Variants in NXPH2 observed in about 807,000 individuals in gnomAD.
The protein encoded by NXPH2 is neurexophilin 2.
Under a neutral mutation model 19.8 loss-of-function variants are expected in NXPH2, and 5 were observed. That is an observed-to-expected ratio of 0.25 (90% confidence interval 0.13 to 0.53). The LOEUF (loss-of-function observed/expected upper bound fraction) is 0.53, where lower values mean the gene tolerates loss of function less well. NXPH2 is among the 20% of genes least tolerant of loss of function. The pLI is 0.96. For synonymous variants in NXPH2, 154 were observed against 127.4 expected, an observed-to-expected ratio of 1.21 and a Z score of -1.41; for missense variants, 289 against 322.8, an observed-to-expected ratio of 0.90 and a Z score of 0.80.
intron 1 of NXPH2, among the ~76,000 whole-genome samples, chr2:138,739,116 T>C (rs1681605010): frequency 6.6e-6 from 1 of 152,236 alleles, no homozygotes; most frequent in Admixed American, 6.5e-5. Context: ...AATGTTTTAC[T>C]GCCTGAAAGC....
At position 138,722,408 on chromosome 2, in the gene NXPH2, G is replaced by A. The variant is rs79944624; in HGVS notation, c.52-50743C>T. On this transcript the variant is annotated intron_variant, in intron 1 of 1. Transcript: ENST00000272641. ...GGGAAGGAAAATCAAGGAAGTATGT[G>A]TGGTTGGAGCGGAGCCTGGGCAGGG... Among the ~76,000 whole-genome samples, 316 of 152,364 alleles carry A rather than the reference G, an allele frequency of 2.1e-3. 1 individual carries two copies. The highest frequency in any genetic ancestry group is 7.4e-3 in the African/African-American group (308 of 41,586).
chr2:138,769,320 T>C (rs1682137688), intron 1 of NXPH2, among the ~76,000 whole-genome samples: 2 of 152,096 alleles, frequency 1.3e-5, no homozygotes, highest in African/African-American at 2.4e-5. Context: ...ATGGTTATTA[T>C]AGGGGATGAG....
At chr2:138,689,798 A>G (rs1680718889) in intron 1 of NXPH2, among the ~76,000 whole-genome samples, 1 of 152,196 alleles carries the variant, frequency 6.6e-6, no homozygotes, top group South Asian at 2.1e-4. Context: ...ATGTACAGAG[A>G]AATATCAAGA....
intron 1 of NXPH2, among the ~76,000 whole-genome samples, chr2:138,701,544 T>G (rs999910411): frequency 6.6e-6 from 1 of 152,174 alleles, no homozygotes; most frequent in African/African-American, 2.4e-5. Context: ...TGAAGGTTTA[T>G]TGTATGCTTG....
At chr2:138,675,238 A>C (rs1393490258) in intron 1 of NXPH2, among the ~76,000 whole-genome samples, 1 of 152,086 alleles carries the variant, frequency 6.6e-6, no homozygotes. Context: ...TTTTTCTTTA[A>C]AGTGCTTGTT....
intron 1 of NXPH2, among the ~76,000 whole-genome samples, chr2:138,700,129 T>C (rs1000259327): frequency 5.3e-5 from 8 of 152,172 alleles, no homozygotes; most frequent in Non-Finnish European, 4.4e-5. Flanking sequence ...CCAAGTTCCC[T>C]GAGCAAGTGC....
At chr2:138,752,781 T>C (rs1034604444) in intron 1 of NXPH2, among the ~76,000 whole-genome samples, 5 of 152,102 alleles carry the variant, frequency 3.3e-5, no homozygotes, top group African/African-American at 1.2e-4. Flanking sequence ...TCCGACGACC[T>C]TAGCAGTTTT....
rs550696965 is a variant in NXPH2, at chr2:138,697,697, C to CT, written c.52-26033dup. ...CTGTTTCATTTTCAGATTAAACACA[C>CT]TTTTTTTAATTTGGAAAAATAATGC... On this transcript the variant is annotated intron_variant, in intron 1 of 1. Coordinates refer to ENST00000272641, the MANE Select transcript of NXPH2 (RefSeq NM_007226.3). 3.6e-3 allele frequency among the ~76,000 whole-genome samples: 539 copies of CT among 151,490 alleles called. 3 individuals carry two copies. Among genetic ancestry groups the CT allele is most frequent in the African/African-American group, 8.8e-3 (364 of 41,388 alleles).
chr2:138,730,582 G>A (rs1424369898), intron 1 of NXPH2, among the ~76,000 whole-genome samples: 2 of 152,108 alleles, frequency 1.3e-5, no homozygotes, highest in Non-Finnish European at 2.9e-5. Flanking sequence ...AGGCAGCCCA[G>A]GGCAGAGACC....
chr2:138,738,494 T>C (rs1344295438), intron 1 of NXPH2, among the ~76,000 whole-genome samples: 1 of 152,186 alleles, frequency 6.6e-6, no homozygotes, highest in Non-Finnish European at 1.5e-5. Flanking sequence ...TCCATTAGGA[T>C]AAAAGATTTA....
chr2:138,682,159 C>T (rs1314310509), intron 1 of NXPH2, among the ~76,000 whole-genome samples: 2 of 152,134 alleles, frequency 1.3e-5, no homozygotes, highest in African/African-American at 2.4e-5. Flanking sequence ...ACCCAAAACC[C>T]TGTCATGATC....
chr2:138,754,902 T>C (rs1681883677), intron 1 of NXPH2, among the ~76,000 whole-genome samples: 1 of 152,172 alleles, frequency 6.6e-6, no homozygotes, highest in African/African-American at 2.4e-5. Context: ...TGGTGGATTT[T>C]AGGCATTCTT....
intron 1 of NXPH2, among the ~76,000 whole-genome samples, chr2:138,705,155 AGTCTCGATACGTTGCTCAGGCTG>A (rs1467661994): frequency 6.6e-6 from 1 of 151,864 alleles, no homozygotes. Context: ...GTAGAGATGG[AGTCTCGATACGTTGCTCAGGCTG>A]GTCTCCAACT....
intron 1 of NXPH2, among the ~76,000 whole-genome samples, chr2:138,776,519 AT>A (rs142055980): frequency 2.3e-3 from 350 of 151,990 alleles, no homozygotes; most frequent in African/African-American, 8.0e-3. Context: ...TCTAATCTTA[AT>A]TTTCATTTTT....
At chr2:138,741,467 C>T (rs572022677) in intron 1 of NXPH2, among the ~76,000 whole-genome samples, 3 of 152,040 alleles carry the variant, frequency 2.0e-5, no homozygotes, top group Admixed American at 6.6e-5. Context: ...TCCATGTTTT[C>T]CCCCTCATAT....
intron 1 of NXPH2, among the ~76,000 whole-genome samples, chr2:138,677,080 A>G (rs1680495390): frequency 6.6e-6 from 1 of 152,216 alleles, no homozygotes; most frequent in African/African-American, 2.4e-5. Flanking sequence ...TGCTGTGAGA[A>G]GAATGTAGGT....
chr2:138,743,619 C>T (rs1277576305), intron 1 of NXPH2, among the ~76,000 whole-genome samples: 1 of 152,072 alleles, frequency 6.6e-6, no homozygotes, highest in Non-Finnish European at 1.5e-5. Flanking sequence ...GATGACACAC[C>T]TGTGAATATA....
rs1680404771 is a variant in NXPH2, at chr2:138,671,027, G to A, written c.690C>T (p.Val230=). 1 of 1,613,868 alleles carries A rather than the reference G, an allele frequency of 6.2e-7. No individual in the cohort carries two copies. The highest frequency in any genetic ancestry group is 1.7e-5 in the Admixed American group (1 of 60,006). The change falls in exon 2 of 2, where the codon GTC becomes GTT. Residue 230 remains valine, a synonymous_variant. Transcript: ENST00000272641. ...TGTAAAAGGCAATGTAAATGCAAAT[G>A]ACCTTGAAGGGCTTGGAGCACAACC... ...VSWLCSKPFK[V]ICIYIAFYSV... is the part of the protein sequence containing the mutation.
At chr2:138,709,976 T>A (rs989998741) in intron 1 of NXPH2, among the ~76,000 whole-genome samples, 14 of 152,252 alleles carry the variant, frequency 9.2e-5, no homozygotes, top group Non-Finnish European at 1.8e-4. Flanking sequence ...TTCAGTGGCA[T>A]TACTTGTATT....
Sources: allele counts gnomAD v4.1 joint callset (sites outside exome capture counted in the v4.1 genomes callset), GRCh38; gene constraint gnomAD v4.1.1; transcripts MANE v1.5; gene names NCBI Gene and HGNC (gene_info 2026-07-23, HGNC 2026-07-21).